Variants in LRFN5 observed in about 807,000 individuals in gnomAD.
The protein encoded by LRFN5 is leucine-rich repeat and fibronectin type-III domain-containing protein 5.
LRFN5 carries 24 observed loss-of-function variants against 45.6 expected under a neutral mutation model. That is an observed-to-expected ratio of 0.53 (90% CI 0.38 to 0.74). The LOEUF is 0.74. LRFN5 is among the 30% of genes least tolerant of loss of function. The pLI is 0.00. For synonymous variants in LRFN5, 340 were observed against 313.8 expected, an observed-to-expected ratio of 1.08 and a Z score of -0.88; for missense variants, 776 against 861.5, an observed-to-expected ratio of 0.90 and a Z score of 1.24.
intron 2 of LRFN5, among the ~76,000 whole-genome samples, chr14:41,824,138 C>T (rs1888216628): frequency 6.6e-6 from 1 of 151,942 alleles, no homozygotes; most frequent in Non-Finnish European, 1.5e-5. Flanking sequence ...CCTTACAAGC[C>T]GTAGTTTGAA....
intron 2 of LRFN5, among the ~76,000 whole-genome samples, chr14:41,835,676 C>T (rs1464718816): frequency 2.0e-5 from 3 of 152,136 alleles, no homozygotes; most frequent in South Asian, 2.1e-4. Flanking sequence ...CAGTAAACCA[C>T]GGTCACGCTA....
At position 41,658,542 on chromosome 14, in the gene LRFN5, T is replaced by G. The variant is rs577918737; in HGVS notation, c.-197+49980T>G. On this transcript the variant is annotated intron_variant, in intron 1 of 5. Transcript: ENST00000298119. The stretch of plus-strand genomic sequence containing the variant: ...CCATCTGTAGCATATAATTTATTTC[T>G]AATATATCAAATTTTCTCATATGTA... Among the ~76,000 whole-genome samples the G allele has an allele frequency of 2.6e-5, 4 of 152,100 alleles. No homozygotes were observed. The East Asian group carries it at 7.7e-4, about 29-fold the overall frequency.
At chr14:41,658,631 A>G (rs1821621730) in intron 1 of LRFN5, among the ~76,000 whole-genome samples, 1 of 151,988 alleles carries the variant, frequency 6.6e-6, no homozygotes, top group African/African-American at 2.4e-5. Flanking sequence ...ATACGCAATT[A>G]TCCTATTAAA....
intron 1 of LRFN5, among the ~76,000 whole-genome samples, chr14:41,675,379 T>C (rs1881575522): frequency 6.6e-6 from 1 of 152,208 alleles, no homozygotes; most frequent in South Asian, 2.1e-4. Context: ...GGCTGGCGGA[T>C]CACTCGCTGT....
At chr14:41,876,640 T>C (rs1328141968) in intron 2 of LRFN5, among the ~76,000 whole-genome samples, 1 of 152,010 alleles carries the variant, frequency 6.6e-6, no homozygotes, top group Non-Finnish European at 1.5e-5. Context: ...AAATATAGGT[T>C]TACTGAGCAC....
chr14:41,611,903 C>G (rs541841653), intron 1 of LRFN5, among the ~76,000 whole-genome samples: 2 of 152,210 alleles, frequency 1.3e-5, no homozygotes, highest in South Asian at 2.1e-4. Flanking sequence ...ACCCTATTCC[C>G]TCTTCAATTA....
In LRFN5 at chr14:41,799,535, C is replaced by T. The variant is rs117434302; in HGVS notation, c.-21+32506C>T. Among the ~76,000 whole-genome samples, 1,049 of 152,072 alleles carry T rather than the reference C, an allele frequency of 6.9e-3. 10 individuals are homozygous for T. Among genetic ancestry groups the T allele is most frequent in the Non-Finnish European group, 0.011 (768 of 67,950 alleles). On this transcript the variant is annotated intron_variant, in intron 2 of 5. Transcript: ENST00000298119. ...CATTGCTTGCCTCCATTTTCCAATACTATAACCCCTCTTCTACAAGTTCTA... is the reference window on the plus strand; with the variant it reads ...CATTGCTTGCCTCCATTTTCCAATATTATAACCCCTCTTCTACAAGTTCTA...
chr14:41,727,634 A>T (rs1364413457), intron 1 of LRFN5, among the ~76,000 whole-genome samples: 1 of 151,990 alleles, frequency 6.6e-6, no homozygotes, highest in Non-Finnish European at 1.5e-5. Context: ...TCTAAAATAA[A>T]ATAAATATAT....
chr14:41,874,487 C>T (rs907986950), intron 2 of LRFN5, among the ~76,000 whole-genome samples: 1 of 152,148 alleles, frequency 6.6e-6, no homozygotes, highest in Non-Finnish European at 1.5e-5. Flanking sequence ...AAGGTAACAA[C>T]TCTGCTTATT....
intron 1 of LRFN5, among the ~76,000 whole-genome samples, chr14:41,675,385 G>A (rs1303711664): frequency 6.6e-6 from 1 of 152,254 alleles, no homozygotes. Flanking sequence ...CGGATCACTC[G>A]CTGTTAGGAG....
intron 1 of LRFN5, among the ~76,000 whole-genome samples, chr14:41,640,478 T>G (rs1879525606): frequency 6.6e-6 from 1 of 152,134 alleles, no homozygotes; most frequent in Non-Finnish European, 1.5e-5. Flanking sequence ...AAATGGTTTC[T>G]ATCATGACCT....
At chr14:41,640,083 A>G (rs570733636) in intron 1 of LRFN5, among the ~76,000 whole-genome samples, 3 of 149,756 alleles carry the variant, frequency 2.0e-5, no homozygotes, top group African/African-American at 7.4e-5. Flanking sequence ...TACAGGTGTG[A>G]GTCACTATGC....
intron 1 of LRFN5, among the ~76,000 whole-genome samples, chr14:41,684,293 T>C (rs532050664): frequency 1.3e-5 from 2 of 152,234 alleles, no homozygotes; most frequent in Admixed American, 6.5e-5. Context: ...CACACCGCTA[T>C]AAAGAGCTGT....
intron 1 of LRFN5, among the ~76,000 whole-genome samples, chr14:41,692,913 A>G (rs1882444863): frequency 6.6e-6 from 1 of 152,096 alleles, no homozygotes; most frequent in Non-Finnish European, 1.5e-5. Flanking sequence ...GCTTCTCTGT[A>G]TAGAGTTATC....
chr14:41,799,925 GGGGAAAGGAAA>G (rs1297602705), intron 2 of LRFN5, among the ~76,000 whole-genome samples: 1 of 151,628 alleles, frequency 6.6e-6, no homozygotes, highest in African/African-American at 2.4e-5. Flanking sequence ...AGTCAATGGA[GGGGAAAGGAAA>G]GGGAAGGGAA....
chr14:41,901,567 C>T (rs1891102871), intron 5 of LRFN5, among the ~76,000 whole-genome samples: 1 of 151,878 alleles, frequency 6.6e-6, no homozygotes, highest in Non-Finnish European at 1.5e-5. Flanking sequence ...GATTAGTCCA[C>T]ATTTAATAAC....
intron 1 of LRFN5, among the ~76,000 whole-genome samples, chr14:41,621,033 C>A (rs2052764588): frequency 6.6e-6 from 1 of 151,698 alleles, no homozygotes; most frequent in Non-Finnish European, 1.5e-5. Context: ...TTATATGTAC[C>A]AATAGAAGGA....
chr14:41,800,925 C>A (rs937721450), intron 2 of LRFN5, among the ~76,000 whole-genome samples: 6 of 151,950 alleles, frequency 3.9e-5, no homozygotes, highest in Non-Finnish European at 8.8e-5. Flanking sequence ...TTAAGGACTA[C>A]TTCACTTATG....
chr14:41,836,058 C>A (rs1888652873), intron 2 of LRFN5, among the ~76,000 whole-genome samples: 3 of 151,866 alleles, frequency 2.0e-5, no homozygotes, highest in Non-Finnish European at 4.4e-5. Context: ...ATTATATGAT[C>A]TTCCACCTTT....
Sources: gnomAD v4.1 joint callset for allele counts (sites outside exome capture counted in the v4.1 genomes callset) on GRCh38, gnomAD v4.1.1 for gene constraint, MANE v1.5 for transcripts, NCBI Gene and HGNC (gene_info 2026-07-23, HGNC 2026-07-21) for gene names.